Variants in ISM1 observed in about 807,000 individuals in gnomAD.
ISM1 encodes isthmin-1.
ISM1 carries 25 observed loss-of-function variants against 46.3 expected under a neutral mutation model. The observed-to-expected ratio is 0.54, with a 90% confidence interval of 0.39 to 0.75. The LOEUF (loss-of-function observed/expected upper bound fraction) is 0.75, where lower values mean the gene tolerates loss of function less well. Ranked by LOEUF, ISM1 falls within the 30% of genes least tolerant of loss-of-function variation. The pLI, the probability that ISM1 is intolerant of heterozygous loss-of-function variation, is 0.00. For missense variants in ISM1, 536 were observed against 625.4 expected (o/e 0.86, Z 1.52); for synonymous variants, 255 against 256.7 (o/e 0.99, Z 0.06).
intron 1 of ISM1, among the ~76,000 whole-genome samples, chr20:13,259,444 C>T (rs1399832204): frequency 6.6e-6 from 1 of 151,872 alleles, no homozygotes; most frequent in African/African-American, 2.4e-5. Flanking sequence ...AAAAACTGTC[C>T]AAATAAAATT....
At chr20:13,276,139 G>A (rs6109792) in intron 2 of ISM1, among the ~76,000 whole-genome samples, 1 of 152,040 alleles carries the variant, frequency 6.6e-6, no homozygotes, top group African/African-American at 2.4e-5. Context: ...GTTGGAGACA[G>A]GTCCTTCAAT....
intron 1 of ISM1, among the ~76,000 whole-genome samples, chr20:13,254,120 C>G (rs6134836): frequency 0.15 from 22,934 of 150,224 alleles, 1,795 homozygotes; most frequent in East Asian, 0.24. Flanking sequence ...GTAATCCCAG[C>G]TACTTGGGAG....
the ISM1 span, among the ~76,000 whole-genome samples, chr20:13,319,753 C>A: frequency 1.3e-5 from 2 of 152,338 alleles, no homozygotes; most frequent in South Asian, 2.1e-4. Flanking sequence ...CACACACACA[C>A]TCTAGAGGGT....
At chr20:13,254,558 G>T (rs559508339) in intron 1 of ISM1, among the ~76,000 whole-genome samples, 9 of 152,252 alleles carry the variant, frequency 5.9e-5, no homozygotes, top group African/African-American at 2.2e-4. Flanking sequence ...GCACTTGCTG[G>T]GTGCTCAGTG....
intron 3 of ISM1, among the ~76,000 whole-genome samples, chr20:13,285,330 C>T (rs987993456): frequency 6.6e-6 from 1 of 152,038 alleles, no homozygotes; most frequent in Non-Finnish European, 1.5e-5. Flanking sequence ...AAAAGCCAAC[C>T]GCAAAATTAA....
chr20:13,263,867 A>T (rs2040015597), intron 1 of ISM1, among the ~76,000 whole-genome samples: 1 of 152,254 alleles, frequency 6.6e-6, no homozygotes, highest in East Asian at 1.9e-4. Flanking sequence ...TAGTGACATT[A>T]ATTATAATCT....
chr20:13,274,378 G>C (rs768979117), intron 2 of ISM1, among the ~76,000 whole-genome samples: 2 of 152,178 alleles, frequency 1.3e-5, no homozygotes, highest in African/African-American at 2.4e-5. Context: ...CTGGGTAGCA[G>C]AGTGAAGTCA....
chr20:13,239,010 C>CT (rs1354529485), intron 1 of ISM1: 1 of 152,202 alleles, frequency 6.6e-6, no homozygotes, highest in Non-Finnish European at 1.5e-5. Flanking sequence ...GAGCTCCTTA[C>CT]TGAGAGTGTG....
At chr20:13,285,781 A>G (rs760481936) in intron 3 of ISM1, among the ~76,000 whole-genome samples, 1 of 152,246 alleles carries the variant, frequency 6.6e-6, no homozygotes, top group South Asian at 2.1e-4. Flanking sequence ...CCAAGAAACT[A>G]TAACAAGAAA....
intron 1 of ISM1, among the ~76,000 whole-genome samples, chr20:13,232,883 T>C (rs1417754642): frequency 6.6e-6 from 1 of 152,204 alleles, no homozygotes; most frequent in Admixed American, 6.5e-5. Flanking sequence ...AGATACTGTC[T>C]CCTTAGAAGG....
intron 1 of ISM1, among the ~76,000 whole-genome samples, chr20:13,247,801 A>G (rs2039817533): frequency 6.6e-6 from 1 of 152,160 alleles, no homozygotes; most frequent in South Asian, 2.1e-4. Flanking sequence ...AAGGTAGTGA[A>G]GTAGGAAAGA....
chr20:13,314,089 A>C, the ISM1 span, among the ~76,000 whole-genome samples: 1 of 152,192 alleles, frequency 6.6e-6, no homozygotes, highest in Non-Finnish European at 1.5e-5. Flanking sequence ...TGAAAAGCAA[A>C]GAGAAAAAAA....
the ISM1 span, among the ~76,000 whole-genome samples, chr20:13,324,843 A>C: frequency 1.3e-5 from 2 of 152,212 alleles, no homozygotes; most frequent in Non-Finnish European, 2.9e-5. Context: ...ACCTAGTTTA[A>C]GTTTCTTATT....
At chr20:13,305,250 CAG>C (rs1270589979), downstream of ISM1, among the ~76,000 whole-genome samples, 2 of 146,372 alleles carry the variant, frequency 1.4e-5, no homozygotes, top group Admixed American at 1.4e-4. Flanking sequence ...ATTCAACAGA[CAG>C]AAAATTAATC....
At chr20:13,270,877 T>C (rs534780889) in intron 2 of ISM1, 134 bp downstream of exon 2, 1 of 812,938 alleles carries the variant, frequency 1.2e-6, no homozygotes, top group Non-Finnish European at 1.9e-6. Flanking sequence ...AAGATCATGT[T>C]ATCTCCATAA....
chr20:13,295,000 C>T (rs2040392800), intron 5 of ISM1, among the ~76,000 whole-genome samples: 1 of 152,126 alleles, frequency 6.6e-6, no homozygotes, highest in African/African-American at 2.4e-5. Context: ...AAGACATGCC[C>T]AATTTTTCTC....
chr20:13,300,768 T>C (rs1006852105), downstream of ISM1: 1 of 152,222 alleles, frequency 6.6e-6, no homozygotes, highest in Non-Finnish European at 1.5e-5. Context: ...CATTCATTGA[T>C]TGACATGATT....
intron 1 of ISM1, among the ~76,000 whole-genome samples, chr20:13,238,388 A>C (rs2123156576): frequency 6.6e-6 from 1 of 152,356 alleles, no homozygotes; most frequent in Middle Eastern, 3.4e-3. Context: ...CAAAATGGCA[A>C]AATTCATAGC....
At chr20:13,277,283 G>C (rs916619944) in intron 2 of ISM1, among the ~76,000 whole-genome samples, 3 of 152,074 alleles carry the variant, frequency 2.0e-5, no homozygotes, top group African/African-American at 7.2e-5. Context: ...CAAAAGTGTT[G>C]GGCACATTCC....
Sources: allele counts gnomAD v4.1 joint callset (sites outside exome capture counted in the v4.1 genomes callset), GRCh38; gene constraint gnomAD v4.1.1; transcripts MANE v1.5; gene names NCBI Gene and HGNC (gene_info 2026-07-23, HGNC 2026-07-21).